CNTN4: variants seen among roughly 807,000 people sequenced by gnomAD.
The protein encoded by CNTN4 is contactin 4.
A neutral mutation model predicts 122.5 loss-of-function variants in CNTN4; 77 were observed. That is an observed-to-expected ratio of 0.63 (90% CI 0.52 to 0.76). CNTN4 has a LOEUF of 0.76. Ranked by LOEUF, CNTN4 falls within the 30% of genes least tolerant of loss-of-function variation. The probability of loss-of-function intolerance (pLI) is 0.00; values close to 1 mark genes in which losing one functional copy is unlikely to be tolerated. For missense variants in CNTN4, 1,256 were observed against 1,259.1 expected, an observed-to-expected ratio of 1.00 and a Z score of 0.04; for synonymous variants, 512 against 447.0, an observed-to-expected ratio of 1.15 and a Z score of -1.83.
intron 2 of CNTN4, among the ~76,000 whole-genome samples, chr3:2,338,101 GTCA>G (rs1413093045): frequency 6.6e-6 from 1 of 151,970 alleles, no homozygotes; most frequent in Admixed American, 6.6e-5. Flanking sequence ...TCTTACACAT[GTCA>G]TCATTTATGA....
chr3:2,929,983 C>T (rs898363088), intron 13 of CNTN4, among the ~76,000 whole-genome samples: 1 of 152,206 alleles, frequency 6.6e-6, no homozygotes, highest in Non-Finnish European at 1.5e-5. Flanking sequence ...GGCCCACATC[C>T]TTCCCTGGTT....
chr3:2,110,330 G>A (rs983820577), intron 2 of CNTN4: 3 of 152,240 alleles, frequency 2.0e-5, no homozygotes, highest in Non-Finnish European at 4.4e-5. Context: ...GAAGACTTTA[G>A]GACAGTGTGC....
At chr3:2,735,967 C>G (rs758495957) in intron 4 of CNTN4, 101 of 606,750 alleles carry the variant, frequency 1.7e-4, no homozygotes, top group Non-Finnish European at 2.7e-4. Context: ...AAGCAGCCTG[C>G]GCCTGGAAGT....
chr3:2,212,779 C>G (rs2038678466), intron 2 of CNTN4, among the ~76,000 whole-genome samples: 1 of 152,160 alleles, frequency 6.6e-6, no homozygotes, highest in African/African-American at 2.4e-5. Flanking sequence ...AGTGACATAT[C>G]CCTGCTCTTA....
chr3:2,674,830 G>A (rs941756307), intron 4 of CNTN4, among the ~76,000 whole-genome samples: 4 of 150,720 alleles, frequency 2.7e-5, no homozygotes, highest in African/African-American at 9.7e-5. Flanking sequence ...GAGCTTATTC[G>A]TCTTATGTAG....
At chr3:2,312,122 G>A (rs1251160310) in intron 2 of CNTN4, among the ~76,000 whole-genome samples, 9 of 151,964 alleles carry the variant, frequency 5.9e-5, no homozygotes, top group Admixed American at 2.0e-4. Context: ...AGATCAGCCT[G>A]AGTAACATAG....
intron 3 of CNTN4, among the ~76,000 whole-genome samples, chr3:2,519,397 C>A (rs888127482): frequency 8.5e-5 from 13 of 152,146 alleles, no homozygotes; most frequent in Admixed American, 8.5e-4. Context: ...GTTCCTCTAC[C>A]AGTAGGTCCA....
chr3:2,677,478 A>ATC (rs1188213428), intron 4 of CNTN4, among the ~76,000 whole-genome samples: 111 of 107,908 alleles, frequency 1.0e-3, no homozygotes, highest in Non-Finnish European at 1.5e-3. Flanking sequence ...CCATCTATCC[A>ATC]TCTATATCTA....
At chr3:2,909,053 G>A (rs553373499) in intron 12 of CNTN4, among the ~76,000 whole-genome samples, 1 of 152,286 alleles carries the variant, frequency 6.6e-6, no homozygotes, top group African/African-American at 2.4e-5. Context: ...AAAACATTAA[G>A]GCTAAACTAA....
chr3:3,035,105 C>G (rs1699487082), intron 17 of CNTN4, among the ~76,000 whole-genome samples: 1 of 151,774 alleles, frequency 6.6e-6, no homozygotes, highest in Admixed American at 6.6e-5. Flanking sequence ...CCCAGGAGTT[C>G]CAGACCAGCC....
In CNTN4 at chr3:2,287,623, AAGGAGAAGG is replaced by A. The variant is rs1559415045; in HGVS notation, c.-144-51552_-144-51544del. 2.0e-4 allele frequency among the ~76,000 whole-genome samples: 7 copies of A among 35,578 alleles called. 1 individual carries two copies. In the East Asian group the frequency reaches 5.4e-3, roughly 27 times the overall value. The allele number at this position is 35,578 out of a possible 152,430, so 23.3% of individuals were successfully genotyped here. ...GTCTAAAGAAAAGAAGGAGAAGGAG[AAGGAGAAGG>A]AGAAGAAGAAGAAGAAGAAGAAGAA... is the stretch of plus-strand genomic sequence containing the variant. On this transcript the variant is annotated intron_variant, in intron 2 of 24. Transcript: ENST00000418658.
At chr3:2,965,372 T>C (rs1273998094) in intron 13 of CNTN4, among the ~76,000 whole-genome samples, 1 of 152,246 alleles carries the variant, frequency 6.6e-6, no homozygotes, top group Non-Finnish European at 1.5e-5. Flanking sequence ...AAGCACTTTC[T>C]CTGGTGATGG....
chr3:2,544,261 G>A (rs2078150254), intron 3 of CNTN4, among the ~76,000 whole-genome samples: 1 of 152,006 alleles, frequency 6.6e-6, no homozygotes, highest in Non-Finnish European at 1.5e-5. Flanking sequence ...ATGGAGACAC[G>A]CTCCTCAGTG....
chr3:2,906,683 T>C (rs1170594047), intron 12 of CNTN4, among the ~76,000 whole-genome samples: 2 of 150,924 alleles, frequency 1.3e-5, no homozygotes, highest in Admixed American at 1.3e-4. Flanking sequence ...ACTAAAAATA[T>C]ATATATATAA....
intron 14 of CNTN4, among the ~76,000 whole-genome samples, chr3:3,013,207 T>C (rs765621987): frequency 1.9e-4 from 29 of 152,074 alleles, no homozygotes; most frequent in Admixed American, 1.3e-3. Flanking sequence ...TACCATCTCC[T>C]CCAAATTATA....
At chr3:2,746,682 C>T (rs1442697986) in intron 6 of CNTN4, among the ~76,000 whole-genome samples, 2 of 152,200 alleles carry the variant, frequency 1.3e-5, no homozygotes, top group Non-Finnish European at 2.9e-5. Flanking sequence ...ACTCAACATC[C>T]AATATACCTA....
At chr3:2,260,535 G>T (rs1355644675) in intron 2 of CNTN4, among the ~76,000 whole-genome samples, 1 of 151,974 alleles carries the variant, frequency 6.6e-6, no homozygotes, top group Non-Finnish European at 1.5e-5. Flanking sequence ...GGAAAACAGG[G>T]TATAGACATT....
intron 14 of CNTN4, chr3:2,999,163 CTGTT>C (rs1172843896): frequency 2.0e-5 from 3 of 152,168 alleles, no homozygotes; most frequent in African/African-American, 4.8e-5. Flanking sequence ...ACTGTATACA[CTGTT>C]TGTAACTTCT....
At chr3:2,332,829 GTAAC>G (rs2043792463) in intron 2 of CNTN4, among the ~76,000 whole-genome samples, 1 of 151,706 alleles carries the variant, frequency 6.6e-6, no homozygotes, top group Non-Finnish European at 1.5e-5. Flanking sequence ...GTATACATAT[GTAAC>G]TAACCTGCAC....
Sources: gnomAD v4.1 joint callset for allele counts (sites outside exome capture counted in the v4.1 genomes callset) on GRCh38, gnomAD v4.1.1 for gene constraint, MANE v1.5 for transcripts, NCBI Gene and HGNC (gene_info 2026-07-23, HGNC 2026-07-21) for gene names.